Variants in SCD5 observed in about 807,000 individuals in gnomAD.
The protein encoded by SCD5 is stearoyl-CoA desaturase 5, also known as acyl-CoA-desaturase 4.
SCD5 carries 20 observed loss-of-function variants against 30.4 expected under a neutral mutation model. The ratio of observed to expected loss-of-function variants is 0.66; its 90% CI spans 0.46 to 0.96. The LOEUF (loss-of-function observed/expected upper bound fraction) is 0.96. Among genes scored for constraint, SCD5 ranks in the 40% least tolerant of loss-of-function variants. SCD5 has a pLI of 0.00. For synonymous variants in SCD5, 173 were observed against 176.4 expected, an observed-to-expected ratio of 0.98 and a Z score of 0.16; for missense variants, 381 against 443.3, an observed-to-expected ratio of 0.86 and a Z score of 1.26.
chr4:82,676,556 A>G (rs981004160), intron 3 of SCD5, among the ~76,000 whole-genome samples: 2 of 152,212 alleles, frequency 1.3e-5, no homozygotes, highest in Admixed American at 1.3e-4. Context: ...CCTAGGCTCT[A>G]TGTATTTCCT....
chr4:82,680,810 T>C lies in SCD5; in HGVS notation c.466A>G (p.Ile156Val). 3.7e-6 allele frequency: 6 copies of C among 1,613,442 alleles called. No homozygotes were observed. The East Asian group carries it at 8.9e-5, about 24-fold the overall frequency. ...TGCTTGCGAACAAACAGCCACCCAA[T>C]ATGGGAGAAGAAGAAGCCCCGGCGG... ...NARRGFFFSH[I>V]GWLFVRKHRD... is the part of the protein sequence containing the mutation. The change falls in exon 3 of 5, where the codon ATT (isoleucine) becomes GTT (valine). Residue 156 changes from isoleucine to valine, a missense_variant. By Grantham distance (29) the Ile-to-Val change is conservative. Coordinates refer to ENST00000319540, the MANE Select transcript of SCD5 (RefSeq NM_001037582.3).
intron 3 of SCD5, among the ~76,000 whole-genome samples, chr4:82,643,654 T>A (rs547279393): frequency 6.6e-6 from 1 of 152,302 alleles, no homozygotes; most frequent in South Asian, 2.1e-4. Flanking sequence ...TTATACAGTA[T>A]CATTAGTGTA....
At chr4:82,678,594 C>A (rs1361433737) in intron 3 of SCD5, among the ~76,000 whole-genome samples, 1 of 152,168 alleles carries the variant, frequency 6.6e-6, no homozygotes, top group Non-Finnish European at 1.5e-5. Context: ...TAGCTGACCA[C>A]AGAATGATGG....
At chr4:82,784,861 C>A (rs571211574) in intron 1 of SCD5, among the ~76,000 whole-genome samples, 1 of 152,344 alleles carries the variant, frequency 6.6e-6, no homozygotes, top group Admixed American at 6.5e-5. Flanking sequence ...GATTTAAGCC[C>A]TGCAGCTGGG....
In SCD5 at chr4:82,631,297, C is replaced by T. The variant is rs748435446; in HGVS notation, c.*30G>A. 4.4e-6 allele frequency: 7 copies of T among 1,600,090 alleles called. No individual in the cohort carries two copies. The highest frequency in any genetic ancestry group is 4.3e-6 in the Non-Finnish European group (5 of 1,170,568). On this transcript the variant is annotated 3_prime_UTR_variant, in exon 5 of 5. Coordinates refer to ENST00000319540, the MANE Select transcript of SCD5 (RefSeq NM_001037582.3). ...CCAAAGCCATGAACCGAGGTTGCAA[C>T]GGCAGACATGTGGGATGGCTGTTCC...
At chr4:82,719,799 G>A (rs896661344) in intron 1 of SCD5, among the ~76,000 whole-genome samples, 9 of 149,840 alleles carry the variant, frequency 6.0e-5, no homozygotes, top group East Asian at 2.0e-4. Context: ...CACCGCGCCC[G>A]GCCATGATTT....
intron 1 of SCD5, among the ~76,000 whole-genome samples, chr4:82,787,226 A>G (rs1722006722): frequency 2.0e-5 from 3 of 152,180 alleles, no homozygotes; most frequent in Non-Finnish European, 2.9e-5. Flanking sequence ...AAAATGACCA[A>G]CCAAGAAAAC....
At chr4:82,761,047 A>G (rs11729909) in intron 1 of SCD5, among the ~76,000 whole-genome samples, 10,609 of 152,274 alleles carry the variant, frequency 0.07, 781 homozygotes, top group African/African-American at 0.18. Flanking sequence ...AGGGATGGGC[A>G]TGTATTTCAC....
At chr4:82,756,751 A>G (rs1721243310) in intron 1 of SCD5, among the ~76,000 whole-genome samples, 1 of 145,514 alleles carries the variant, frequency 6.9e-6, no homozygotes, top group East Asian at 2.1e-4. Flanking sequence ...CGCCCTCACC[A>G]TCTCTCACTA....
chr4:82,638,980 C>T (rs1727486237), intron 3 of SCD5, among the ~76,000 whole-genome samples: 1 of 152,206 alleles, frequency 6.6e-6, no homozygotes, highest in Admixed American at 6.5e-5. Flanking sequence ...GGCCCAAAGT[C>T]GCAAGACTCA....
intron 1 of SCD5, among the ~76,000 whole-genome samples, chr4:82,730,881 G>GCTGTAT (rs769378804): frequency 1.3e-5 from 2 of 152,154 alleles, no homozygotes; most frequent in Non-Finnish European, 2.9e-5. Context: ...ACAGCGCCCA[G>GCTGTAT]CTGTATTTTT....
chr4:82,657,708 A>G (rs1216669596), intron 3 of SCD5, among the ~76,000 whole-genome samples: 1 of 152,160 alleles, frequency 6.6e-6, no homozygotes, highest in African/African-American at 2.4e-5. Flanking sequence ...CATTTTCACA[A>G]TATTGATTCT....
At chr4:82,636,467 A>AAAAT in intron 4 of SCD5, 124 bp downstream of exon 4, 1 of 732,306 alleles carries the variant, frequency 1.4e-6, no homozygotes, top group Non-Finnish European at 2.2e-6. Flanking sequence ...AAAAAAAAAA[A>AAAAT]GCTCAAGTTC....
At chr4:82,646,607 C>G (rs1410974246) in intron 3 of SCD5, among the ~76,000 whole-genome samples, 1 of 152,186 alleles carries the variant, frequency 6.6e-6, no homozygotes, top group East Asian at 1.9e-4. Flanking sequence ...TGGCTTTGAC[C>G]CTGAATTAGT....
chr4:82,709,708 A>G (rs952576795), intron 1 of SCD5, among the ~76,000 whole-genome samples: 9 of 152,228 alleles, frequency 5.9e-5, no homozygotes, highest in African/African-American at 1.9e-4. Context: ...CCACTTCTAG[A>G]TGTTTACCCA....
At chr4:82,741,853 C>CGGGGGGGGGGGGGGGG in intron 1 of SCD5, among the ~76,000 whole-genome samples, 1 of 45,404 alleles carries the variant, frequency 2.2e-5, no homozygotes, top group Admixed American at 2.7e-4. Flanking sequence ...TCAGAGTGGG[C>CGGGGGGGGGGGGGGGG]GGGGGGGGGG....
At chr4:82,704,754 T>A (rs1284627280) in intron 2 of SCD5, among the ~76,000 whole-genome samples, 1 of 152,202 alleles carries the variant, frequency 6.6e-6, no homozygotes, top group Non-Finnish European at 1.5e-5. Context: ...CAGGGCAACC[T>A]CGGGACTAGG....
intron 3 of SCD5, among the ~76,000 whole-genome samples, chr4:82,649,481 C>A (rs1325227575): frequency 6.6e-6 from 1 of 152,148 alleles, no homozygotes; most frequent in Non-Finnish European, 1.5e-5. Context: ...TACCTCCCAG[C>A]AGCAAACATT....
At chr4:82,670,622 T>C (rs939972197) in intron 3 of SCD5, among the ~76,000 whole-genome samples, 1 of 151,998 alleles carries the variant, frequency 6.6e-6, no homozygotes, top group South Asian at 2.1e-4. Context: ...TAAATATCAA[T>C]TGATATGGAA....
Sources: gnomAD v4.1 joint callset for allele counts (sites outside exome capture counted in the v4.1 genomes callset) on GRCh38, gnomAD v4.1.1 for gene constraint, MANE v1.5 for transcripts, NCBI Gene and HGNC (gene_info 2026-07-23, HGNC 2026-07-21) for gene names.